Variants in CYYR1 observed in about 807,000 individuals in gnomAD.
CYYR1 encodes cysteine and tyrosine-rich protein 1.
Under a neutral mutation model 15.2 loss-of-function variants are expected in CYYR1, and 14 were observed. The observed-to-expected ratio is 0.92, with a 90% confidence interval of 0.61 to 1.44. The LOEUF (loss-of-function observed/expected upper bound fraction) is 1.44, where lower values mean the gene tolerates loss of function less well. CYYR1 is among the 40% of genes most tolerant of loss of function. CYYR1 has a pLI of 0.00. For missense variants in CYYR1, 228 were observed against 209.5 expected (o/e 1.09, Z -0.54); for synonymous variants, 80 against 77.4 (o/e 1.03, Z -0.18).
At chr21:26,565,896 T>G (rs13433431) in intron 2 of CYYR1, among the ~76,000 whole-genome samples, 12,168 of 152,226 alleles carry the variant, frequency 0.08, 1,665 homozygotes, top group African/African-American at 0.28. Flanking sequence ...AAACTGGCTA[T>G]AATTAAATAA....
At chr21:26,528,155 T>C (rs2065888788) in intron 2 of CYYR1, among the ~76,000 whole-genome samples, 1 of 152,244 alleles carries the variant, frequency 6.6e-6, no homozygotes, top group African/African-American at 2.4e-5. Flanking sequence ...TCATTTTTGT[T>C]AATAGCTAAA....
At chr21:26,469,126 A>G (rs1218046384) in intron 3 of CYYR1, among the ~76,000 whole-genome samples, 1 of 152,204 alleles carries the variant, frequency 6.6e-6, no homozygotes, top group East Asian at 1.9e-4. Context: ...AGAGGTAGAT[A>G]AAAGAAAAGC....
In CYYR1 at chr21:26,487,549, T is replaced by A. The variant is rs561202334; in HGVS notation, c.177-7120A>T. On this transcript the variant is annotated intron_variant, in intron 2 of 3. Transcript: ENST00000652641. Reference sequence around the variant, plus strand: ...TACTGTAATACCCTTGAATACAATGTTTTATTATAAATCATTGGCAATTTT... The same window carrying A: ...TACTGTAATACCCTTGAATACAATGATTTATTATAAATCATTGGCAATTTT... 2.0e-5 allele frequency among the ~76,000 whole-genome samples: 3 copies of A among 152,232 alleles called. No individual in the cohort carries two copies. In the East Asian group the frequency reaches 5.8e-4, roughly 29 times the overall value.
intron 2 of CYYR1, among the ~76,000 whole-genome samples, chr21:26,541,873 TAATAA>T (rs1410120472): frequency 3.3e-5 from 5 of 151,964 alleles, no homozygotes; most frequent in Non-Finnish European, 7.4e-5. Context: ...ACCACTGAAA[TAATAA>T]AATAAAGAGG....
At chr21:26,471,613 T>C (rs1213482251) in intron 3 of CYYR1, 1 of 152,220 alleles carries the variant, frequency 6.6e-6, no homozygotes, top group Non-Finnish European at 1.5e-5. Context: ...TATCAGCCAC[T>C]GGAAGACATT....
At chr21:26,480,469 A>G in intron 2 of CYYR1, 40 bp from the exon 3 acceptor site, 3 of 1,578,684 alleles carry the variant, frequency 1.9e-6, no homozygotes, top group South Asian at 2.4e-5. Flanking sequence ...AAAGACTTGT[A>G]AGCATTCTTT....
intron 3 of CYYR1, among the ~76,000 whole-genome samples, chr21:26,474,049 T>A (rs1489974019): frequency 6.5e-4 from 2 of 3,082 alleles, no homozygotes; most frequent in Admixed American, 0.029. Context: ...TTTGTTTTCG[T>A]TTTTTTTTTT....
At chr21:26,546,728 C>A (rs1009714309) in intron 2 of CYYR1, among the ~76,000 whole-genome samples, 3 of 152,090 alleles carry the variant, frequency 2.0e-5, no homozygotes, top group Non-Finnish European at 4.4e-5. Context: ...GGGAATGCAC[C>A]GTCTTAGGTG....
intron 2 of CYYR1, among the ~76,000 whole-genome samples, chr21:26,489,463 A>C (rs1569144686): frequency 1.3e-5 from 2 of 152,150 alleles, no homozygotes. Context: ...ATATAGATTT[A>C]ATGAGAGTCG....
chr21:26,492,959 G>A (rs1352371699), intron 2 of CYYR1, among the ~76,000 whole-genome samples: 1 of 152,110 alleles, frequency 6.6e-6, no homozygotes, highest in African/African-American at 2.4e-5. Flanking sequence ...GAGATTGGTT[G>A]TGTGAGAGAG....
In CYYR1 at chr21:26,473,682, C is replaced by T. The variant is rs191327827; in HGVS notation, c.335-5048G>A. On this transcript the variant is annotated intron_variant, in intron 3 of 3. Transcript: ENST00000652641. ...TCTCCTCTGACCCTGTCTGTTTTCT[C>T]AAGAAATGAGATCTGTTGAGAAATC... 1.8e-4 allele frequency among the ~76,000 whole-genome samples: 28 copies of T among 152,192 alleles called. No individual in the cohort carries two copies. In the East Asian group the frequency reaches 4.4e-3, roughly 24 times the overall value.
intron 2 of CYYR1, among the ~76,000 whole-genome samples, chr21:26,527,196 C>G (rs957567154): frequency 6.6e-6 from 1 of 152,122 alleles, no homozygotes; most frequent in Non-Finnish European, 1.5e-5. Flanking sequence ...ACAGTAAAGG[C>G]CAGAAACACT....
intron 1 of CYYR1, among the ~76,000 whole-genome samples, chr21:26,571,091 C>A: frequency 6.6e-6 from 1 of 152,156 alleles, no homozygotes; most frequent in East Asian, 1.9e-4. Flanking sequence ...ATGACACAAC[C>A]TTTTATACCT....
intron 2 of CYYR1, among the ~76,000 whole-genome samples, chr21:26,496,378 A>G (rs1023035749): frequency 1.3e-5 from 2 of 152,216 alleles, no homozygotes; most frequent in African/African-American, 4.8e-5. Context: ...TTTAGCATCA[A>G]TCTCTCAAGA....
chr21:26,543,734 C>G (rs1030422314), intron 2 of CYYR1, among the ~76,000 whole-genome samples: 3 of 152,018 alleles, frequency 2.0e-5, no homozygotes, highest in African/African-American at 7.2e-5. Context: ...GGTAAAACCC[C>G]GTCTCTATTA....
At chr21:26,520,834 TG>T (rs1456653948) in intron 2 of CYYR1, among the ~76,000 whole-genome samples, 1 of 152,230 alleles carries the variant, frequency 6.6e-6, no homozygotes, top group East Asian at 1.9e-4. Flanking sequence ...TGATCAGTGA[TG>T]TTGAGCTTTA....
intron 3 of CYYR1, chr21:26,478,090 T>G (rs919926520): frequency 1.9e-6 from 3 of 1,549,308 alleles, no homozygotes; most frequent in Non-Finnish European, 8.7e-7. Flanking sequence ...TGGAATAGAG[T>G]GTTGAACAAA....
chr21:26,527,727 T>C (rs2065884964), intron 2 of CYYR1, among the ~76,000 whole-genome samples: 2 of 152,174 alleles, frequency 1.3e-5, no homozygotes, highest in East Asian at 3.9e-4. Context: ...TGCTGCCAAA[T>C]TCAAAGCTAA....
intron 3 of CYYR1, among the ~76,000 whole-genome samples, chr21:26,473,750 A>T (rs2065065441): frequency 6.6e-6 from 1 of 152,160 alleles, no homozygotes. Flanking sequence ...TTGAGTTTTG[A>T]GATGAAAGAA....
Sources: gnomAD v4.1 joint callset for allele counts (sites outside exome capture counted in the v4.1 genomes callset) on GRCh38, gnomAD v4.1.1 for gene constraint, MANE v1.5 for transcripts, NCBI Gene and HGNC (gene_info 2026-07-23, HGNC 2026-07-21) for gene names.